BCO1: variants seen among roughly 807,000 people sequenced by gnomAD.
The protein encoded by BCO1 is beta,beta-carotene 15,15'-dioxygenase.
In BCO1, 54 loss-of-function variants were observed where a neutral mutation model predicts 56.3. The ratio of observed to expected loss-of-function variants is 0.96; its 90% CI spans 0.77 to 1.20. The LOEUF (loss-of-function observed/expected upper bound fraction) is 1.20, where lower values mean the gene tolerates loss of function less well. BCO1 is among the 50% of genes most tolerant of loss of function. BCO1 has a pLI of 0.00. For missense variants in BCO1, 801 were observed against 690.9 expected (o/e 1.16, Z -1.79); for synonymous variants, 318 against 266.1 (o/e 1.20, Z -1.90).
chr16:81,284,299 T>TAC (rs1451093519), intron 8 of BCO1, among the ~76,000 whole-genome samples: 15 of 113,678 alleles, frequency 1.3e-4, no homozygotes, highest in African/African-American at 4.8e-4. Context: ...TATTTATATA[T>TAC]ACACACACAT....
At chr16:81,271,898 C>T (rs888193870) in intron 7 of BCO1, among the ~76,000 whole-genome samples, 6 of 151,482 alleles carry the variant, frequency 4.0e-5, no homozygotes, top group African/African-American at 1.5e-4. Context: ...TACAGGTGCC[C>T]ACCACCATGC....
At chr16:81,278,173 C>A (rs1383362135) in intron 7 of BCO1, among the ~76,000 whole-genome samples, 3 of 152,172 alleles carry the variant, frequency 2.0e-5, no homozygotes, top group Non-Finnish European at 2.9e-5. Context: ...TCCTGAGCAG[C>A]TGGGACTACA....
chr16:81,254,243 C>G (rs4889292), intron 2 of BCO1, among the ~76,000 whole-genome samples: 1 of 150,946 alleles, frequency 6.6e-6, no homozygotes, highest in Admixed American at 6.6e-5. Flanking sequence ...ATTCTCCTGC[C>G]TCAGCCTCCT....
chr16:81,270,100 T>C, intron 6 of BCO1, 59 bp from the exon 7 acceptor site: 1 of 1,609,374 alleles, frequency 6.2e-7, no homozygotes, highest in East Asian at 2.2e-5. Context: ...AGCCCCCAGA[T>C]GCCACAGTGC....
At chr16:81,256,669 C>G (rs1223086421) in intron 2 of BCO1, among the ~76,000 whole-genome samples, 1 of 152,110 alleles carries the variant, frequency 6.6e-6, no homozygotes, top group African/African-American at 2.4e-5. Flanking sequence ...AGGCAGTTCA[C>G]CCGAGCTTAG....
intron 7 of BCO1, among the ~76,000 whole-genome samples, chr16:81,272,540 C>T (rs1334032653): frequency 6.6e-6 from 1 of 152,178 alleles, no homozygotes; most frequent in Admixed American, 6.5e-5. Context: ...CATTTGCTTA[C>T]ACAATTCTCT....
At chr16:81,278,010 T>C (rs1444723693) in intron 7 of BCO1, among the ~76,000 whole-genome samples, 2 of 152,134 alleles carry the variant, frequency 1.3e-5, no homozygotes, top group East Asian at 1.9e-4. Flanking sequence ...TGCAGAGCCA[T>C]GGAGGTGGAG....
At chr16:81,239,099 C>G (rs1397970873) in intron 1 of BCO1, 127 bp downstream of exon 1, 1 of 765,776 alleles carries the variant, frequency 1.3e-6, no homozygotes, top group Non-Finnish European at 2.1e-6. Flanking sequence ...CCACTGCAAC[C>G]TCTGCCTCCT....
chr16:81,254,295 ATTT>A lies in BCO1; in HGVS notation c.194-5356_194-5354del, dbSNP rs57961725. 4.0e-3 allele frequency among the ~76,000 whole-genome samples: 313 copies of A among 78,262 alleles called. 2 individuals carry two copies. The highest frequency in any genetic ancestry group is 0.017 in the African/African-American group (296 of 17,306). 51.3% of individuals were successfully genotyped at this position (78,262 alleles called of 152,430 possible). A position where few individuals can be genotyped will look rare whatever the true frequency, so the allele number is the denominator to read the frequency against. ...GGGTGCGTGCCACCACGCCCGGCTA[ATTT>A]TTTTTTTTTTTTTTTTTTTTTTTTG... On this transcript the variant is annotated intron_variant, in intron 2 of 10. Coordinates refer to ENST00000258168, the MANE Select transcript of BCO1 (RefSeq NM_017429.3).
chr16:81,257,865 G>T (rs1047649605), intron 2 of BCO1, among the ~76,000 whole-genome samples: 2 of 148,190 alleles, frequency 1.3e-5, no homozygotes, highest in African/African-American at 5.0e-5. Flanking sequence ...GGGTGACAGA[G>T]TGAGACTCCA....
intron 2 of BCO1, among the ~76,000 whole-genome samples, chr16:81,254,803 G>C (rs1319913012): frequency 6.6e-6 from 1 of 152,026 alleles, no homozygotes; most frequent in Non-Finnish European, 1.5e-5. Flanking sequence ...CTCTGGTCCT[G>C]TTTCTCTTTT....
intron 3 of BCO1, 113 bp downstream of exon 3, chr16:81,259,918 A>C: frequency 1.5e-6 from 2 of 1,323,020 alleles, no homozygotes; most frequent in Non-Finnish European, 2.2e-6. Context: ...TGAAAACTCC[A>C]CATGACTGCC....
rs1908413576 is a variant in BCO1, at chr16:81,290,647, G to C, written c.*70G>C. The C allele has an allele frequency of 7.7e-7, 1 of 1,295,494 alleles. No homozygotes were observed. Among genetic ancestry groups the C allele is most frequent in the South Asian group, 1.2e-5 (1 of 83,076 alleles). The allele number at this position is 1,295,494 out of a possible 1,614,324, so 80.2% of individuals were successfully genotyped here. On this transcript the variant is annotated 3_prime_UTR_variant, in exon 11 of 11. Transcript: ENST00000258168. Reference sequence around the variant, plus strand: ...CTCCATGGATATGTTTCTTTGGATGGAGGGGAGGGCCTTTGTTACCTTTTG... The same window carrying C: ...CTCCATGGATATGTTTCTTTGGATGCAGGGGAGGGCCTTTGTTACCTTTTG...
At chr16:81,282,673 CT>C (rs772983780) in intron 8 of BCO1, among the ~76,000 whole-genome samples, 203 of 145,890 alleles carry the variant, frequency 1.4e-3, no homozygotes, top group Middle Eastern at 7.1e-3. Context: ...CACCACATCC[CT>C]TTTTTTTTTT....
At chr16:81,263,087 C>T in intron 4 of BCO1, 1 of 149,152 alleles carries the variant, frequency 6.7e-6, no homozygotes, top group East Asian at 2.0e-4. Context: ...CCTTATGGGG[C>T]TATGTGTCCA....
Position 81,238,783 on chromosome 16 carries a change from G to A in BCO1, c.-126G>A. ...GGCAGAAACGGCATCAGGAGAGACA[G>A]AGATGTGAAGGAGGGAAGGAGCAGG... On this transcript the variant is annotated 5_prime_UTR_variant, in exon 1 of 11. Coordinates refer to ENST00000258168, the MANE Select transcript of BCO1 (RefSeq NM_017429.3). The A allele has an allele frequency of 1.2e-6, 1 of 842,738 alleles. No homozygotes were observed. Among genetic ancestry groups the A allele is most frequent in the African/African-American group, 1.7e-5 (1 of 59,732 alleles). 52.2% of individuals were successfully genotyped at this position (842,738 alleles called of 1,614,324 possible).
chr16:81,239,366 T>C (rs767579205), intron 1 of BCO1, among the ~76,000 whole-genome samples: 3 of 152,194 alleles, frequency 2.0e-5, no homozygotes, highest in Non-Finnish European at 4.4e-5. Context: ...ATATAAGTAA[T>C]ACTAATTGTA....
intron 2 of BCO1, among the ~76,000 whole-genome samples, chr16:81,251,581 C>T (rs1462332437): frequency 6.6e-6 from 1 of 151,610 alleles, no homozygotes; most frequent in Non-Finnish European, 1.5e-5. Flanking sequence ...AAAAGAAAAA[C>T]ATGTAAAAAA....
At chr16:81,264,582 A>C in intron 4 of BCO1, 58 bp from the exon 5 acceptor site, 1 of 1,588,166 alleles carries the variant, frequency 6.3e-7, no homozygotes, top group Non-Finnish European at 8.6e-7. Context: ...ATGATGTCAT[A>C]TCTTGCAGGT....
Sources: gnomAD v4.1 joint callset for allele counts (sites outside exome capture counted in the v4.1 genomes callset) on GRCh38, gnomAD v4.1.1 for gene constraint, MANE v1.5 for transcripts, NCBI Gene and HGNC (gene_info 2026-07-23, HGNC 2026-07-21) for gene names.